Variants in RGMB observed in about 807,000 individuals in gnomAD.
The protein encoded by RGMB is repulsive guidance molecule B.
Under a neutral mutation model 26.9 loss-of-function variants are expected in RGMB, and 16 were observed. The observed-to-expected ratio is 0.60, with a 90% CI of 0.40 to 0.90. The LOEUF (loss-of-function observed/expected upper bound fraction) is 0.90. Among genes scored for constraint, RGMB ranks in the 40% least tolerant of loss-of-function variants. RGMB has a pLI of 0.00. For missense variants in RGMB, 512 were observed against 573.3 expected, an observed-to-expected ratio of 0.89 and a Z score of 1.09; for synonymous variants, 225 against 229.3, an observed-to-expected ratio of 0.98 and a Z score of 0.17.
intron 2 of RGMB, 110 bp from the exon 3 acceptor site, chr5:98,792,975 C>T: frequency 2.5e-6 from 2 of 792,628 alleles, no homozygotes; most frequent in African/African-American, 1.7e-5. Context: ...TTTGGAGATT[C>T]CGCCTTAAGC....
chr5:98,793,302 A>G lies in RGMB; in HGVS notation c.863A>G (p.Tyr288Cys), dbSNP rs1215879070. 6.2e-7 allele frequency: 1 copy of G among 1,613,770 alleles called. No homozygotes were observed. Among genetic ancestry groups the G allele is most frequent in the Non-Finnish European group, 8.5e-7 (1 of 1,179,786 alleles). The stretch of plus-strand genomic sequence containing the variant: ...GTGTTTGTGCGGCAGGTGGGTCGCT[A>G]CCTGACCCTTGCCATCCGTATGCCT... ...TTVFVRQVGR[Y>C]LTLAIRMPED... Residue 288 changes from tyrosine (Y) to cysteine (C), a missense_variant, in exon 3 of 3, where the codon TAC becomes TGC. Transcript: ENST00000513185.
At chr5:98,785,736 A>G (rs1477682943) in intron 2 of RGMB, among the ~76,000 whole-genome samples, 1 of 152,234 alleles carries the variant, frequency 6.6e-6, no homozygotes, top group Non-Finnish European at 1.5e-5. Flanking sequence ...TCATAAAAGC[A>G]TATGTTAGCT....
chr5:98,791,610 C>T (rs571864848), intron 2 of RGMB, among the ~76,000 whole-genome samples: 8 of 152,276 alleles, frequency 5.3e-5, no homozygotes, highest in African/African-American at 1.9e-4. Context: ...TTTGGCTTGT[C>T]TACCTTCCTC....
chr5:98,777,051 T>A lies in RGMB; in HGVS notation c.137-2529T>A, dbSNP rs567535519. 4.1e-4 allele frequency among the ~76,000 whole-genome samples: 60 copies of A among 147,210 alleles called. 1 individual carries two copies. The highest frequency in any genetic ancestry group is 1.3e-3 in the African/African-American group (50 of 39,660). On this transcript the variant is annotated intron_variant, in intron 1 of 2. Coordinates refer to ENST00000513185, the MANE Select transcript of RGMB (RefSeq NM_001366508.1). ...CAGTGAGCCGAGATCGCGCCACTGC[T>A]CTCCAGCCTGGGCAACAAGAGCAAG...
intron 2 of RGMB, among the ~76,000 whole-genome samples, chr5:98,788,690 A>T (rs1746835862): frequency 6.6e-6 from 1 of 152,176 alleles, no homozygotes; most frequent in South Asian, 2.1e-4. Context: ...GCGGGTAGGG[A>T]GGAGTGGGAC....
upstream of RGMB, among the ~76,000 whole-genome samples, chr5:98,772,357 C>A (rs1746193935): frequency 1.3e-5 from 2 of 152,162 alleles, no homozygotes; most frequent in Admixed American, 1.3e-4. Context: ...GCTGGTGAGA[C>A]TGAAGGTTTG....
At position 98,779,680 on chromosome 5, in the gene RGMB, T is replaced by C; in HGVS notation, c.237T>C (p.Ser79=). The change falls in exon 2 of 3, where the codon TCT becomes TCC. Residue 79 remains serine, a synonymous_variant. Transcript: ENST00000513185. ...ACTCTGCCGTTGACGGCTTTGACTC[T>C]GAGTTTTGCAAGGCCTTGCGTGCCT... The part of the protein sequence containing the change: ...HLNSAVDGFD[S]EFCKALRAYA... 6.3e-7 allele frequency: 1 copy of C among 1,590,886 alleles called. No individual in the cohort carries two copies. The highest frequency in any genetic ancestry group is 8.6e-7 in the Non-Finnish European group (1 of 1,165,824).
upstream of RGMB, chr5:98,772,494 C>T (rs1193153970): frequency 6.6e-5 from 10 of 152,140 alleles, no homozygotes; most frequent in East Asian, 1.9e-4. Context: ...TTGCCAACTA[C>T]GATTTGGATG....
chr5:98,795,351 G>A lies in RGMB; in HGVS notation c.*1598G>A, dbSNP rs1747083313. 6.6e-6 allele frequency: 1 copy of A among 152,198 alleles called. No individual in the cohort carries two copies. Among genetic ancestry groups the A allele is most frequent in the South Asian group, 2.1e-4 (1 of 4,824 alleles). The allele number at this position is 152,198 out of a possible 1,614,324, so 9.4% of individuals were successfully genotyped here. A position where few individuals can be genotyped will look rare whatever the true frequency, so the allele number is the denominator to read the frequency against. Reference sequence around the variant, plus strand: ...GATTATGCTTAGTTTTAGTTCTCCAGGTAGTTACTTTTGCCATGTCCTATT... The same window carrying A: ...GATTATGCTTAGTTTTAGTTCTCCAAGTAGTTACTTTTGCCATGTCCTATT... On this transcript the variant is annotated 3_prime_UTR_variant, in exon 3 of 3. Coordinates refer to ENST00000513185, the MANE Select transcript of RGMB (RefSeq NM_001366508.1).
At chr5:98,792,581 C>T (rs908748141) in intron 2 of RGMB, among the ~76,000 whole-genome samples, 5 of 146,118 alleles carry the variant, frequency 3.4e-5, no homozygotes, top group Non-Finnish European at 7.5e-5. Flanking sequence ...CCACCATCCC[C>T]CCCGCCCCCC....
At chr5:98,779,554 G>A in intron 1 of RGMB, 26 bp from the exon 2 acceptor site, 2 of 1,500,340 alleles carry the variant, frequency 1.3e-6, no homozygotes, top group South Asian at 1.4e-5. Flanking sequence ...GTTTACAAAT[G>A]TTTGGTCTTA....
intron 2 of RGMB, among the ~76,000 whole-genome samples, chr5:98,784,660 A>T (rs1357230068): frequency 6.6e-6 from 1 of 152,216 alleles, no homozygotes; most frequent in Non-Finnish European, 1.5e-5. Flanking sequence ...TCTCTGCATA[A>T]GGTTTGGAAA....
Position 98,790,480 on chromosome 5 carries a change from ATAGG to A in RGMB, c.646-2600_646-2597del, listed in dbSNP as rs1353059428. 2.6e-5 allele frequency among the ~76,000 whole-genome samples: 4 copies of A among 152,214 alleles called. No homozygotes were observed. In the East Asian group the frequency reaches 7.7e-4, roughly 29 times the overall value. ...CAGAAAACAAGTTTTGAGCTTCTAG[ATAGG>A]TAGGAGTTATTGTTAATGTCACTGG... is the stretch of plus-strand genomic sequence containing the variant. On this transcript the variant is annotated intron_variant, in intron 2 of 2. Coordinates refer to ENST00000513185, the MANE Select transcript of RGMB (RefSeq NM_001366508.1).
upstream of RGMB, chr5:98,770,429 T>G: frequency 2.4e-6 from 1 of 408,476 alleles, no homozygotes; most frequent in Non-Finnish European, 4.4e-6. Flanking sequence ...GGCTCCCAAA[T>G]GCTTTTTGCA....
chr5:98,787,457 C>T (rs368965202), intron 2 of RGMB, among the ~76,000 whole-genome samples: 4 of 152,314 alleles, frequency 2.6e-5, no homozygotes, highest in South Asian at 4.1e-4. Context: ...AGGACAGATT[C>T]GGCTGAGAGT....
chr5:98,771,004 G>T (rs914145119), upstream of RGMB: 5 of 286,794 alleles, frequency 1.7e-5, no homozygotes, highest in African/African-American at 8.7e-5. Context: ...TGGAAATGGA[G>T]ACATATTAAC....
intron 2 of RGMB, among the ~76,000 whole-genome samples, chr5:98,785,266 C>G (rs1209530597): frequency 6.6e-6 from 1 of 152,198 alleles, no homozygotes; most frequent in East Asian, 1.9e-4. Context: ...GTGAATGCAG[C>G]CTTTGCCTCA....
At chr5:98,782,337 A>G (rs1015217491) in intron 2 of RGMB, among the ~76,000 whole-genome samples, 4 of 152,256 alleles carry the variant, frequency 2.6e-5, no homozygotes, top group Admixed American at 6.5e-5. Context: ...TAAAACCTTT[A>G]AAAACCTTCA....
rs1164714644 is a variant in RGMB at position 98,779,888 on chromosome 5, G to A, written c.445G>A (p.Glu149Lys). The A allele has an allele frequency of 1.2e-6, 2 of 1,614,002 alleles. No individual in the cohort carries two copies. Among genetic ancestry groups the A allele is most frequent in the East Asian group, 2.2e-5 (1 of 44,890 alleles). ...CNYHSHAGAR[E>K]HRRGDQNPPS... Reference sequence around the variant, plus strand: ...CTATCACAGCCACGCTGGAGCCAGGGAACACAGGAGAGGGGACCAGAACCC... The same window carrying A: ...CTATCACAGCCACGCTGGAGCCAGGAAACACAGGAGAGGGGACCAGAACCC... The change falls in exon 2 of 3, where the codon GAA (glutamate) becomes AAA (lysine). Residue 149 changes from glutamate (E) to lysine (K), a missense_variant. Glu to Lys is a moderately conservative substitution (Grantham distance 56, BLOSUM62 1). Coordinates refer to ENST00000513185, the MANE Select transcript of RGMB (RefSeq NM_001366508.1).
Sources: allele counts gnomAD v4.1 joint callset (sites outside exome capture counted in the v4.1 genomes callset), GRCh38; gene constraint gnomAD v4.1.1; transcripts MANE v1.5; gene names NCBI Gene and HGNC (gene_info 2026-07-23, HGNC 2026-07-21).